The following SCRG1 variants were observed in gnomAD, a reference collection of about 807,000 sequenced individuals.
SCRG1 encodes the protein scrapie-responsive protein 1.
In SCRG1, 3 loss-of-function variants were observed where a neutral mutation model predicts 7.7. The ratio of observed to expected loss-of-function variants is 0.39; its 90% CI spans 0.18 to 1.01. SCRG1 has a LOEUF of 1.01. SCRG1 is among the 50% of genes least tolerant of loss of function. The pLI is 0.36. For missense variants in SCRG1, 110 were observed against 117.2 expected (o/e 0.94, Z 0.28); for synonymous variants, 46 against 41.2 (o/e 1.12, Z -0.44).
chr4:173,493,616 G>GA, the SCRG1 span, among the ~76,000 whole-genome samples: 5,288 of 95,562 alleles, frequency 0.055, 171 homozygotes, highest in African/African-American at 0.1. Flanking sequence ...GACTCAGTCA[G>GA]AAAAAAAAAA....
the SCRG1 span, among the ~76,000 whole-genome samples, chr4:173,438,407 G>T: frequency 2.0e-5 from 3 of 152,214 alleles, no homozygotes; most frequent in Non-Finnish European, 4.4e-5. Flanking sequence ...ACAGGCGTAA[G>T]CCACTCTGTC....
At chr4:173,436,394 C>A in the SCRG1 span, among the ~76,000 whole-genome samples, 2 of 152,180 alleles carry the variant, frequency 1.3e-5, no homozygotes, top group African/African-American at 4.8e-5. Context: ...ATGCTCTTAC[C>A]ACCCACCCAG....
chr4:173,431,191 G>A, the SCRG1 span, among the ~76,000 whole-genome samples: 1 of 152,148 alleles, frequency 6.6e-6, no homozygotes, highest in African/African-American at 2.4e-5. Flanking sequence ...TTCTGCTGAT[G>A]GGCAAAGGGG....
chr4:173,489,309 C>T, the SCRG1 span, among the ~76,000 whole-genome samples: 16 of 152,268 alleles, frequency 1.1e-4, no homozygotes, highest in African/African-American at 1.7e-4. Flanking sequence ...AAATTAAGGT[C>T]CACATATTAG....
the SCRG1 span, among the ~76,000 whole-genome samples, chr4:173,456,074 G>A: frequency 2.6e-5 from 4 of 152,148 alleles, no homozygotes; most frequent in African/African-American, 9.7e-5. Flanking sequence ...GGTGGCTTAG[G>A]AGATATTGAC....
At chr4:173,419,367 T>C in the SCRG1 span, 11 of 1,134,482 alleles carry the variant, frequency 9.7e-6, no homozygotes, top group Non-Finnish European at 1.1e-5. Flanking sequence ...ATTTCTTTCT[T>C]GGGCTTCTTT....
chr4:173,446,396 CA>C, the SCRG1 span, among the ~76,000 whole-genome samples: 1 of 151,140 alleles, frequency 6.6e-6, no homozygotes, highest in African/African-American at 2.4e-5. Context: ...TGATGTCATG[CA>C]CTCACGGGGG....
the SCRG1 span, among the ~76,000 whole-genome samples, chr4:173,510,433 TATA>T: frequency 5.3e-5 from 8 of 151,874 alleles, no homozygotes; most frequent in Admixed American, 4.6e-4. This position sits in a 1 kb window ranked among gnomAD's most constrained non-coding sequence, Gnocchi z 5.7. Flanking sequence ...CATATATATA[TATA>T]TATATATATA....
the SCRG1 span, among the ~76,000 whole-genome samples, chr4:173,463,235 A>G: frequency 6.6e-6 from 1 of 152,154 alleles, no homozygotes; most frequent in South Asian, 2.1e-4. Flanking sequence ...AATTACCACA[A>G]ACTTGCATTC....
chr4:173,393,975 C>T (rs147046510), intron 1 of SCRG1, among the ~76,000 whole-genome samples: 287 of 151,988 alleles, frequency 1.9e-3, no homozygotes, highest in Non-Finnish European at 3.5e-3. Context: ...TATCTTTTTT[C>T]ATTTCTTTAC....
At chr4:173,465,729 C>G in the SCRG1 span, among the ~76,000 whole-genome samples, 1 of 151,568 alleles carries the variant, frequency 6.6e-6, no homozygotes, top group Admixed American at 6.6e-5. Context: ...TCTAAGTGTA[C>G]AGTTCAATGG....
the SCRG1 span, among the ~76,000 whole-genome samples, chr4:173,451,887 T>C: frequency 6.6e-6 from 1 of 152,120 alleles, no homozygotes; most frequent in African/African-American, 2.4e-5. Context: ...CCACTATGTG[T>C]GTTGAACAAG....
chr4:173,429,561 C>T, the SCRG1 span, among the ~76,000 whole-genome samples: 10 of 152,230 alleles, frequency 6.6e-5, no homozygotes, highest in Admixed American at 2.6e-4. Flanking sequence ...CTTCCCAAAG[C>T]TTGTGATTAT....
chr4:173,442,131 C>T, the SCRG1 span, among the ~76,000 whole-genome samples: 5 of 152,208 alleles, frequency 3.3e-5, no homozygotes, highest in Non-Finnish European at 7.3e-5. Context: ...ACTCTGGGAA[C>T]TTGCCTGCCT....
the SCRG1 span, among the ~76,000 whole-genome samples, chr4:173,423,584 A>C: frequency 6.6e-6 from 1 of 152,122 alleles, no homozygotes; most frequent in Non-Finnish European, 1.5e-5. Flanking sequence ...TAATAAAAAA[A>C]CCTTTTATTT....
chr4:173,396,748 G>GTGTGTGTGAGTGTGTGTATGCATTA (rs1302666044), intron 1 of SCRG1, among the ~76,000 whole-genome samples: 1 of 151,682 alleles, frequency 6.6e-6, no homozygotes. Flanking sequence ...GTGTGTGTGT[G>GTGTGTGTGAGTGTGTGTATGCATTA]TATGCATTAT....
At chr4:173,505,593 A>G in the SCRG1 span, among the ~76,000 whole-genome samples, 7 of 152,160 alleles carry the variant, frequency 4.6e-5, no homozygotes, top group South Asian at 4.2e-4. The surrounding 1 kb of genome is among the most constrained non-coding windows in gnomAD (Gnocchi z 4.4). Context: ...CCAAACCACA[A>G]TTGCCTCCTG....
chr4:173,485,035 ATTATAT>A, the SCRG1 span, among the ~76,000 whole-genome samples: 1 of 30,054 alleles, frequency 3.3e-5, no homozygotes, highest in Non-Finnish European at 5.3e-5. Context: ...TATATTATAT[ATTATAT>A]ATTATATAAT....
chr4:173,516,553 C>T, the SCRG1 span, among the ~76,000 whole-genome samples: 2 of 152,328 alleles, frequency 1.3e-5, no homozygotes. Flanking sequence ...AGGAAAACTG[C>T]CTTTAATTGA....
Sources: allele counts gnomAD v4.1 joint callset (sites outside exome capture counted in the v4.1 genomes callset), GRCh38; gene constraint gnomAD v4.1.1; non-coding constraint Gnocchi (gnomAD v3.1); transcripts MANE v1.5; gene names NCBI Gene and HGNC (gene_info 2026-07-23, HGNC 2026-07-21).